The following PRRC2B variants were observed in gnomAD, a reference collection of about 807,000 sequenced individuals.
PRRC2B encodes the protein proline rich coiled-coil 2B.
PRRC2B carries 68 observed loss-of-function variants against 242.3 expected under a neutral mutation model. The observed-to-expected ratio is 0.28, with a 90% CI of 0.23 to 0.34. The LOEUF is 0.34. Among genes scored for constraint, PRRC2B ranks in the 10% least tolerant of loss-of-function variants. PRRC2B has a pLI of 1.00. For synonymous variants in PRRC2B, 1,228 were observed against 1,173.6 expected, an observed-to-expected ratio of 1.05 and a Z score of -0.95; for missense variants, 2,835 against 2,954.8, an observed-to-expected ratio of 0.96 and a Z score of 0.94.
In PRRC2B at chr9:131,494,727, T is replaced by C. The variant is rs1261027603; in HGVS notation, c.6555+241T>C. 1.3e-5 allele frequency among the ~76,000 whole-genome samples: 2 copies of C among 152,162 alleles called. No homozygotes were observed. Among genetic ancestry groups the C allele is most frequent in the African/African-American group, 4.8e-5 (2 of 41,438 alleles). ...GCAGAGAAGGGAGGATGCTGATTCC[T>C]CTGAGGAGGTGGTGCTGGAAGGTGG... is the stretch of plus-strand genomic sequence containing the variant. On this transcript the variant is annotated intron_variant, in intron 31 of 31. Coordinates refer to ENST00000683519, the MANE Select transcript of PRRC2B (RefSeq NM_013318.4). The surrounding 1 kb of genome is among the most constrained non-coding windows in gnomAD (Gnocchi z 4.3).
In PRRC2B at chr9:131,482,515, A is replaced by G. The variant is rs1484407468; in HGVS notation, c.5128A>G (p.Lys1710Glu). Residue 1710 changes from lysine (K) to glutamate (E), a missense_variant, in exon 21 of 32, where the codon AAG (lysine) becomes GAG (glutamate). Lys to Glu is a moderately conservative substitution (Grantham distance 56, BLOSUM62 1). Around this residue, in one of 7 missense-constraint regions of PRRC2B, gnomAD observed 51 missense variants for 45.1 expected, o/e 1.13. Coordinates refer to ENST00000683519, the MANE Select transcript of PRRC2B (RefSeq NM_013318.4). This position sits in a 1 kb window ranked among gnomAD's most constrained non-coding sequence, Gnocchi z 5.2. ...GAGCGGGCCCGGCCTGGCGGAACCC[A>G]AGGCCGACAGCCACAAGGAGCAGGC... is the stretch of plus-strand genomic sequence containing the variant. Reference protein sequence around the residue: ...EMSGPGLAEPKADSHKEQAPK... With the variant: ...EMSGPGLAEPEADSHKEQAPK... 6.2e-7 allele frequency: 1 copy of G among 1,609,992 alleles called. No homozygotes were observed. The highest frequency in any genetic ancestry group is 1.1e-5 in the South Asian group (1 of 90,970).
intron 1 of PRRC2B, among the ~76,000 whole-genome samples, chr9:131,420,500 T>TCTTTCTTTC (rs1380661357): frequency 1.0e-4 from 10 of 96,400 alleles, no homozygotes; most frequent in African/African-American, 3.2e-4. Context: ...TTTCTTTTTT[T>TCTTTCTTTC]TTTTTTTTTT....
At chr9:131,427,843 A>G (rs2131319178) in intron 1 of PRRC2B, among the ~76,000 whole-genome samples, 1 of 152,330 alleles carries the variant, frequency 6.6e-6, no homozygotes, top group African/African-American at 2.4e-5. Context: ...CATGTTAAAC[A>G]TATGCCTTAA....
rs1039494466 is a variant in PRRC2B, at chr9:131,397,943, C to T, written c.-52+3680C>T. ...ATGTAAGGAGGCAGGGCTAACTAGACTGTCTTCTTTTCAGATCATAACTTG... is the reference window on the plus strand; with the variant it reads ...ATGTAAGGAGGCAGGGCTAACTAGATTGTCTTCTTTTCAGATCATAACTTG... On this transcript the variant is annotated intron_variant, in intron 1 of 31. Coordinates refer to ENST00000683519, the MANE Select transcript of PRRC2B (RefSeq NM_013318.4). Among the ~76,000 whole-genome samples the T allele has an allele frequency of 5.3e-5, 8 of 152,180 alleles. 1 individual carries two copies. In the East Asian group the frequency reaches 1.3e-3, roughly 26 times the overall value.
intron 1 of PRRC2B, among the ~76,000 whole-genome samples, chr9:131,377,147 G>A (rs936220220): frequency 4.0e-5 from 6 of 151,224 alleles, no homozygotes; most frequent in South Asian, 2.1e-4. Context: ...ACGGAGTCTC[G>A]CTTTGTCACC....
At chr9:131,409,302 G>A (rs1199021498) in intron 1 of PRRC2B, among the ~76,000 whole-genome samples, 8 of 152,122 alleles carry the variant, frequency 5.3e-5, no homozygotes, top group African/African-American at 1.4e-4. Context: ...GATTACAGAC[G>A]TGAGCCACCG....
In PRRC2B at chr9:131,485,079, C is replaced by T. The variant is rs767565858; in HGVS notation, c.5697C>T (p.Phe1899=). 3.1e-6 allele frequency: 5 copies of T among 1,605,728 alleles called. No individual in the cohort carries two copies. In the Admixed American group the frequency reaches 5.1e-5, roughly 16 times the overall value. The change falls in exon 25 of 32, where the codon TTC becomes TTT. Residue 1899 remains phenylalanine, a synonymous_variant. Coordinates refer to ENST00000683519, the MANE Select transcript of PRRC2B (RefSeq NM_013318.4). ...CCAGCGGGGTCAACTACAGCTCCTTCGGTGGAGTGTCCATGCCACCCATGC... is the reference window on the plus strand; with the variant it reads ...CCAGCGGGGTCAACTACAGCTCCTTTGGTGGAGTGTCCATGCCACCCATGC... ...GASSGVNYSS[F]GGVSMPPMPV... is the part of the protein sequence containing the mutation.
At chr9:131,478,812 G>A (rs1302870355) in intron 18 of PRRC2B, among the ~76,000 whole-genome samples, 193 bp downstream of exon 18, 1 of 152,202 alleles carries the variant, frequency 6.6e-6, no homozygotes, top group Non-Finnish European at 1.5e-5. Context: ...TGTAGGAATA[G>A]GTGGTGGCAT....
At chr9:131,397,668 T>C (rs1837107144) in intron 1 of PRRC2B, among the ~76,000 whole-genome samples, 2 of 150,334 alleles carry the variant, frequency 1.3e-5, no homozygotes, top group Admixed American at 6.7e-5. Context: ...CCCTTAAGAT[T>C]GATCATTTCT....
At chr9:131,425,550 G>A (rs180924619) in intron 1 of PRRC2B, among the ~76,000 whole-genome samples, 44 of 151,954 alleles carry the variant, frequency 2.9e-4, no homozygotes, top group African/African-American at 9.6e-4. Flanking sequence ...GTGCAGTGGC[G>A]CGATCTCAGC....
intron 1 of PRRC2B, among the ~76,000 whole-genome samples, chr9:131,412,117 T>G (rs1490754859): frequency 6.6e-6 from 1 of 152,240 alleles, no homozygotes; most frequent in Admixed American, 6.5e-5. Flanking sequence ...TGAATTTTTC[T>G]TAAAGTCTAA....
intron 15 of PRRC2B, 132 bp from the exon 16 acceptor site, chr9:131,474,322 C>T (rs1382477673): frequency 6.6e-6 from 5 of 761,626 alleles, no homozygotes; most frequent in Admixed American, 3.2e-5. Context: ...TTTTGTTTTT[C>T]TAGCTTTCTT....
chr9:131,475,045 G>C lies in PRRC2B; in HGVS notation c.2916G>C (p.Arg972=). 6.2e-7 allele frequency: 1 copy of C among 1,608,358 alleles called. No individual in the cohort carries two copies. The highest frequency in any genetic ancestry group is 8.5e-7 in the Non-Finnish European group (1 of 1,176,806). Residue 972 remains arginine (R), a synonymous_variant, in exon 16 of 32, where the codon CGG becomes CGC. Transcript: ENST00000683519. ...AGGAGCTAGGGGAGGAGAGTACCCG[G>C]CTGGCCAAGGAGAAGGAGCAGAGCC... ...IKQELGEEST[R]LAKEKEQSPT...
At position 131,476,294 on chromosome 9, in the gene PRRC2B, C is replaced by G; in HGVS notation, c.4165C>G (p.Arg1389Gly). ...ESSDFSERRE[R>G]REGPGSEPDS... is the part of the protein sequence containing the mutation. ...CAGCGACTTCAGCGAGCGGCGGGAG[C>G]GGCGGGAAGGCCCTGGGTCCGAGCC... Residue 1389 changes from arginine (R) to glycine (G), a missense_variant, in exon 16 of 32, where the codon CGG (arginine) becomes GGG (glycine). Transcript: ENST00000683519. 1 of 1,587,518 alleles carries G rather than the reference C, an allele frequency of 6.3e-7. No individual in the cohort carries two copies. Among genetic ancestry groups the G allele is most frequent in the Non-Finnish European group, 8.6e-7 (1 of 1,167,484 alleles).
At chr9:131,491,644 C>A in intron 29 of PRRC2B, 64 bp downstream of exon 29, 4 of 1,436,156 alleles carry the variant, frequency 2.8e-6, no homozygotes, top group African/African-American at 2.8e-5. Flanking sequence ...CTTTTTCTAG[C>A]AAGCTAAGTA....
intron 1 of PRRC2B, among the ~76,000 whole-genome samples, chr9:131,380,312 T>C (rs1221010852): frequency 6.6e-6 from 1 of 151,402 alleles, no homozygotes; most frequent in African/African-American, 2.4e-5. Context: ...GCACGGTGGC[T>C]CACACGTGTA....
chr9:131,456,312 A>C (rs758777591), intron 10 of PRRC2B, among the ~76,000 whole-genome samples: 18 of 142,516 alleles, frequency 1.3e-4, no homozygotes, highest in Admixed American at 5.8e-4. Context: ...TCTAGTTTTT[A>C]TAATGTTAGT....
At chr9:131,425,778 A>G (rs1484102068) in intron 1 of PRRC2B, among the ~76,000 whole-genome samples, 1 of 151,134 alleles carries the variant, frequency 6.6e-6, no homozygotes, top group Non-Finnish European at 1.5e-5. Context: ...GTGAGCCACC[A>G]TGCCTGGCCC....
intron 1 of PRRC2B, among the ~76,000 whole-genome samples, chr9:131,384,995 T>C (rs1836809396): frequency 6.6e-6 from 1 of 152,120 alleles, no homozygotes; most frequent in Non-Finnish European, 1.5e-5. Context: ...TTGTGTTTTG[T>C]TTCCTTTTAG....
Sources: allele counts gnomAD v4.1 joint callset (sites outside exome capture counted in the v4.1 genomes callset), GRCh38; gene constraint gnomAD v4.1.1; regional missense constraint gnomAD v4.1.1; non-coding constraint Gnocchi (gnomAD v3.1); transcripts MANE v1.5; gene names NCBI Gene and HGNC (gene_info 2026-07-23, HGNC 2026-07-21).